The following EXOC6B variants were observed in gnomAD, a reference collection of about 807,000 sequenced individuals.
EXOC6B encodes exocyst complex component 6B, also known as SEC15 homolog B.
In EXOC6B, 54 loss-of-function variants were observed where a neutral mutation model predicts 113.5. The ratio of observed to expected loss-of-function variants is 0.48; its 90% CI spans 0.38 to 0.60. The LOEUF is 0.60. Ranked by LOEUF, EXOC6B falls within the 20% of genes least tolerant of loss-of-function variation. EXOC6B has a pLI of 0.00. For missense variants in EXOC6B, 797 were observed against 977.5 expected (o/e 0.82, Z 2.46); for synonymous variants, 357 against 339.0 (o/e 1.05, Z -0.58).
chr2:72,650,612 GAA>G (rs59626760), intron 6 of EXOC6B, among the ~76,000 whole-genome samples: 2 of 147,638 alleles, frequency 1.4e-5, no homozygotes, highest in Non-Finnish European at 3.0e-5. Flanking sequence ...GAAAAGAAAA[GAA>G]AAAAAAAAGA....
Position 72,698,626 on chromosome 2 carries a change from G to A in EXOC6B, c.669+19477C>T, listed in dbSNP as rs142411154. On this transcript the variant is annotated intron_variant, in intron 6 of 21. Coordinates refer to ENST00000272427, the MANE Select transcript of EXOC6B (RefSeq NM_015189.3). ...AATAAGGAGCAAGAAAAAAATAAGT[G>A]GCAAAAGCTTGAGAAGTTATAGCTA... Among the ~76,000 whole-genome samples the A allele has an allele frequency of 5.5e-3, 830 of 152,220 alleles. 9 individuals carry two copies. Among genetic ancestry groups the A allele is most frequent in the Non-Finnish European group, 5.9e-3 (400 of 68,016 alleles).
intron 18 of EXOC6B, among the ~76,000 whole-genome samples, chr2:72,391,530 T>A (rs914297269): frequency 6.6e-6 from 1 of 152,210 alleles, no homozygotes. Context: ...TTTAAGTTTA[T>A]CCTGTGTGGG....
intron 18 of EXOC6B, among the ~76,000 whole-genome samples, chr2:72,424,201 A>G (rs1289079251): frequency 6.6e-6 from 1 of 152,178 alleles, no homozygotes; most frequent in Non-Finnish European, 1.5e-5. Flanking sequence ...CACAAAATTC[A>G]TCTGTGAAGC....
At chr2:72,214,352 G>C (rs947897706) in intron 20 of EXOC6B, among the ~76,000 whole-genome samples, 1 of 151,998 alleles carries the variant, frequency 6.6e-6, no homozygotes, top group Non-Finnish European at 1.5e-5. Context: ...TTAGCCGGGC[G>C]TGGTGGCGGG....
intron 6 of EXOC6B, among the ~76,000 whole-genome samples, chr2:72,712,208 T>C (rs958980569): frequency 6.6e-6 from 1 of 152,208 alleles, no homozygotes; most frequent in African/African-American, 2.4e-5. Flanking sequence ...AATATATCAA[T>C]GTACAATTTT....
intron 20 of EXOC6B, among the ~76,000 whole-genome samples, chr2:72,200,742 AGAG>A (rs1679440440): frequency 6.6e-6 from 1 of 152,196 alleles, no homozygotes; most frequent in African/African-American, 2.4e-5. Context: ...TTAATCAGCT[AGAG>A]GAGAACAAAA....
At chr2:72,546,338 A>G (rs945654472) in intron 8 of EXOC6B, among the ~76,000 whole-genome samples, 3 of 152,168 alleles carry the variant, frequency 2.0e-5, no homozygotes, top group Non-Finnish European at 4.4e-5. Context: ...AATTCTAGCT[A>G]CTAGGGAGGC....
chr2:72,745,174 CA>C (rs1474702610), intron 1 of EXOC6B, among the ~76,000 whole-genome samples: 2 of 152,200 alleles, frequency 1.3e-5, no homozygotes, highest in Middle Eastern at 3.4e-3. Context: ...GTTAATGGAT[CA>C]GGGGTGGTGG....
At chr2:72,639,907 A>G (rs1364544778) in intron 6 of EXOC6B, among the ~76,000 whole-genome samples, 2 of 152,248 alleles carry the variant, frequency 1.3e-5, no homozygotes, top group Non-Finnish European at 2.9e-5. Flanking sequence ...TAAGCCAACA[A>G]GGATGAGAAA....
At chr2:72,247,161 T>C (rs896857047) in intron 20 of EXOC6B, among the ~76,000 whole-genome samples, 9 of 152,338 alleles carry the variant, frequency 5.9e-5, no homozygotes, top group East Asian at 1.9e-4. Context: ...AAATAATCTT[T>C]CTGATAAATG....
chr2:72,202,988 G>A (rs1278690015), intron 20 of EXOC6B, among the ~76,000 whole-genome samples: 3 of 152,176 alleles, frequency 2.0e-5, no homozygotes, highest in Admixed American at 6.5e-5. Flanking sequence ...GACGTTCATC[G>A]TTTCTTACTT....
intron 3 of EXOC6B, 144 bp downstream of exon 3, chr2:72,732,927 G>C: frequency 1.4e-6 from 1 of 695,460 alleles, no homozygotes; most frequent in South Asian, 1.6e-5. Flanking sequence ...ATTTAATTCA[G>C]ATAAACATTA....
intron 8 of EXOC6B, among the ~76,000 whole-genome samples, chr2:72,524,418 A>G (rs1447898527): frequency 2.0e-5 from 3 of 152,190 alleles, no homozygotes; most frequent in Admixed American, 1.3e-4. Context: ...GTAAAATCCA[A>G]TTCACAGTGT....
chr2:72,541,928 C>A (rs1285609942), intron 8 of EXOC6B, among the ~76,000 whole-genome samples: 1 of 152,182 alleles, frequency 6.6e-6, no homozygotes, highest in Non-Finnish European at 1.5e-5. Context: ...CCTGCCTTGG[C>A]CTCCTAAAGT....
At chr2:72,724,215 T>G in intron 5 of EXOC6B, among the ~76,000 whole-genome samples, 2 of 151,186 alleles carry the variant, frequency 1.3e-5, no homozygotes, top group African/African-American at 2.4e-5. Flanking sequence ...AGGGAGAGAG[T>G]GGGAGACCAG....
At chr2:72,513,963 TC>T (rs1168788544) in intron 10 of EXOC6B, among the ~76,000 whole-genome samples, 1 of 152,128 alleles carries the variant, frequency 6.6e-6, no homozygotes, top group Admixed American at 6.6e-5. Flanking sequence ...TGATGAAGAA[TC>T]CAAGTTATTT....
At chr2:72,187,311 A>G (rs550165215) in intron 20 of EXOC6B, among the ~76,000 whole-genome samples, 1 of 151,858 alleles carries the variant, frequency 6.6e-6, no homozygotes, top group African/African-American at 2.4e-5. Flanking sequence ...CTCTTCACCC[A>G]TAATGTGGCA....
chr2:72,562,405 A>C (rs1426888914), intron 7 of EXOC6B, among the ~76,000 whole-genome samples: 2 of 152,120 alleles, frequency 1.3e-5, no homozygotes, highest in African/African-American at 4.8e-5. Context: ...ACTCTCTGTC[A>C]AAGCTATATT....
At chr2:72,445,553 T>C (rs952743186) in intron 18 of EXOC6B, among the ~76,000 whole-genome samples, 5 of 152,270 alleles carry the variant, frequency 3.3e-5, no homozygotes, top group Non-Finnish European at 7.4e-5. Flanking sequence ...CAGTTCCACA[T>C]GGCTGGGGAG....
Sources: gnomAD v4.1 joint callset for allele counts (sites outside exome capture counted in the v4.1 genomes callset) on GRCh38, gnomAD v4.1.1 for gene constraint, MANE v1.5 for transcripts, NCBI Gene and HGNC (gene_info 2026-07-23, HGNC 2026-07-21) for gene names.